The following TAS2R1 variants were observed in gnomAD, a reference collection of about 807,000 sequenced individuals.
TAS2R1 encodes the protein taste receptor type 2 member 1.
For synonymous variants in TAS2R1, 141 were observed against 134.2 expected, an observed-to-expected ratio of 1.05 and a Z score of -0.35; for missense variants, 370 against 353.4, an observed-to-expected ratio of 1.05 and a Z score of -0.38.
chr5:9,704,218 A>G (rs1251433919), intron 1 of TAS2R1, among the ~76,000 whole-genome samples: 1 of 152,132 alleles, frequency 6.6e-6, no homozygotes, highest in East Asian at 1.9e-4. Context: ...GCTTAAGAGT[A>G]CCTTAATTTT....
chr5:9,764,961 A>T, the TAS2R1 span, among the ~76,000 whole-genome samples: 9 of 152,226 alleles, frequency 5.9e-5, no homozygotes, highest in African/African-American at 2.2e-4. Flanking sequence ...AAAACACGAA[A>T]ATATGCTCAC....
At chr5:9,760,002 T>C in the TAS2R1 span, among the ~76,000 whole-genome samples, 1 of 152,180 alleles carries the variant, frequency 6.6e-6, no homozygotes, top group Non-Finnish European at 1.5e-5. Flanking sequence ...AAATTATCAA[T>C]ATCAGAACTT....
At chr5:9,750,818 T>C in the TAS2R1 span, among the ~76,000 whole-genome samples, 10 of 152,108 alleles carry the variant, frequency 6.6e-5, no homozygotes, top group Non-Finnish European at 1.3e-4. Flanking sequence ...ATTAGCTCTT[T>C]AGAAGAATAA....
At chr5:9,827,907 C>T in the TAS2R1 span, among the ~76,000 whole-genome samples, 18 of 152,182 alleles carry the variant, frequency 1.2e-4, no homozygotes, top group Non-Finnish European at 2.5e-4. Context: ...AACAAATTTA[C>T]CTACTTCTAA....
the TAS2R1 span, among the ~76,000 whole-genome samples, chr5:9,867,433 G>T: frequency 6.6e-6 from 1 of 152,188 alleles, no homozygotes; most frequent in Non-Finnish European, 1.5e-5. Context: ...TTAAATGGTG[G>T]CAGGAAAGAG....
At chr5:9,785,706 A>G in the TAS2R1 span, among the ~76,000 whole-genome samples, 22 of 152,172 alleles carry the variant, frequency 1.4e-4, no homozygotes, top group African/African-American at 4.8e-4. Context: ...TATTTATCTT[A>G]CCAGCCCAAG....
the TAS2R1 span, among the ~76,000 whole-genome samples, chr5:9,740,968 A>C: frequency 6.6e-6 from 1 of 152,222 alleles, no homozygotes; most frequent in Non-Finnish European, 1.5e-5. Context: ...GAAGACGTTT[A>C]TTAACTGTTA....
At chr5:9,868,536 C>G in the TAS2R1 span, among the ~76,000 whole-genome samples, 2 of 152,268 alleles carry the variant, frequency 1.3e-5, no homozygotes, top group South Asian at 4.1e-4. Context: ...CTGGGCCTGG[C>G]CCAGGAAGCC....
rs941443327 is a variant in TAS2R1, at chr5:9,630,163, A to G, written c.-131T>C. The G allele has an allele frequency of 1.8e-5, 13 of 713,468 alleles. No individual in the cohort carries two copies. The South Asian group carries it at 3.5e-4, about 19-fold the overall frequency. 44.2% of individuals were successfully genotyped at this position (713,468 alleles called of 1,614,324 possible). ...AAGACTAACAATAAAGGCATGGGGC[A>G]GGAAGGTGGTGTACATTTGTTTATG... On this transcript the variant is annotated 5_prime_UTR_variant, in exon 1 of 1. Coordinates refer to ENST00000382492, the MANE Select transcript of TAS2R1 (RefSeq NM_019599.3).
the TAS2R1 span, among the ~76,000 whole-genome samples, chr5:9,812,324 G>A: frequency 3.3e-5 from 5 of 151,956 alleles, no homozygotes; most frequent in African/African-American, 1.2e-4. Context: ...ATGTATGTAT[G>A]TATGTATATA....
chr5:9,806,545 C>G, the TAS2R1 span, among the ~76,000 whole-genome samples: 1 of 152,026 alleles, frequency 6.6e-6, no homozygotes, highest in East Asian at 1.9e-4. Flanking sequence ...GTACAAAAAT[C>G]ATAGACCAAA....
At chr5:9,747,893 T>G in the TAS2R1 span, among the ~76,000 whole-genome samples, 1 of 151,776 alleles carries the variant, frequency 6.6e-6, no homozygotes, top group African/African-American at 2.4e-5. Flanking sequence ...CAGGTCAGCA[T>G]GAGGATAACT....
the TAS2R1 span, among the ~76,000 whole-genome samples, chr5:9,849,450 T>C: frequency 3.9e-5 from 6 of 152,220 alleles, no homozygotes; most frequent in African/African-American, 9.6e-5. Flanking sequence ...ATTTTACAAA[T>C]GAATACCCTA....
the TAS2R1 span, among the ~76,000 whole-genome samples, chr5:9,901,004 C>A: frequency 2.0e-5 from 3 of 152,242 alleles, no homozygotes; most frequent in South Asian, 6.2e-4. Context: ...TAGTCGTCCT[C>A]GGAGGACACA....
At chr5:9,808,591 C>T in the TAS2R1 span, among the ~76,000 whole-genome samples, 1 of 152,104 alleles carries the variant, frequency 6.6e-6, no homozygotes, top group Non-Finnish European at 1.5e-5. Flanking sequence ...AACCATGGAC[C>T]TAATCAGCCA....
chr5:9,719,284 C>G, the TAS2R1 span, among the ~76,000 whole-genome samples: 1 of 152,112 alleles, frequency 6.6e-6, no homozygotes, highest in Non-Finnish European at 1.5e-5. Context: ...ATTGAGAGAA[C>G]ATAAATGATA....
chr5:9,754,410 C>A, the TAS2R1 span, among the ~76,000 whole-genome samples: 3 of 152,112 alleles, frequency 2.0e-5, no homozygotes, highest in Non-Finnish European at 4.4e-5. Context: ...CTGGCCAGGG[C>A]AATCAGGCAG....
chr5:9,770,184 T>C, the TAS2R1 span, among the ~76,000 whole-genome samples: 2 of 152,210 alleles, frequency 1.3e-5, no homozygotes, highest in African/African-American at 2.4e-5. Context: ...CACCAATGTA[T>C]GTTCTTGGCA....
chr5:9,766,661 C>T, the TAS2R1 span, among the ~76,000 whole-genome samples: 1 of 152,178 alleles, frequency 6.6e-6, no homozygotes, highest in Non-Finnish European at 1.5e-5. Flanking sequence ...GGGAGGTGTT[C>T]CGAATGTGGG....
Sources: gnomAD v4.1 joint callset for allele counts (sites outside exome capture counted in the v4.1 genomes callset) on GRCh38, gnomAD v4.1.1 for gene constraint, MANE v1.5 for transcripts, NCBI Gene and HGNC (gene_info 2026-07-23, HGNC 2026-07-21) for gene names.